The following ADSL variants were observed in gnomAD, a reference collection of about 807,000 sequenced individuals.
The protein encoded by ADSL is adenylosuccinate lyase, also known as adenylosuccinase.
Under a neutral mutation model 62.1 loss-of-function variants are expected in ADSL, and 44 were observed. The observed-to-expected ratio is 0.71, with a 90% CI of 0.56 to 0.91. The LOEUF (loss-of-function observed/expected upper bound fraction) is 0.91, where lower values mean the gene tolerates loss of function less well. ADSL is among the 40% of genes least tolerant of loss of function. The pLI is 0.00. For missense variants in ADSL, 531 were observed against 627.4 expected, an observed-to-expected ratio of 0.85 and a Z score of 1.64; for synonymous variants, 198 against 220.5, an observed-to-expected ratio of 0.90 and a Z score of 0.90.
intron 2 of ADSL, chr22:40,350,249 G>A (rs2044294671): frequency 1.2e-5 from 6 of 520,466 alleles, no homozygotes; most frequent in East Asian, 3.5e-5. Flanking sequence ...TCAGCCTCCC[G>A]AGTAGCTGGG....
rs773392845 is a variant in ADSL at position 40,362,046 on chromosome 22, CAGAT to C, written c.1010+414_1010+417del. Among the ~76,000 whole-genome samples the C allele has an allele frequency of 3.3e-4, 51 of 152,272 alleles. 2 individuals carry two copies. The highest frequency in any genetic ancestry group is 2.6e-4 in the Non-Finnish European group (18 of 68,018). Reference sequence around the variant, plus strand: ...CAGGAGGTGGGGCAGGACATGGTCACAGATAGCCAGTTTATGAAAGGTCTTCTGG... The same window carrying C: ...CAGGAGGTGGGGCAGGACATGGTCACAGCCAGTTTATGAAAGGTCTTCTGG... On this transcript the variant is annotated intron_variant, in intron 9 of 12. Transcript: ENST00000623063.
At chr22:40,356,399 G>C (rs554358673) in intron 4 of ADSL, among the ~76,000 whole-genome samples, 23 of 151,914 alleles carry the variant, frequency 1.5e-4, no homozygotes, top group Admixed American at 4.6e-4. Context: ...GCTGGGTGTG[G>C]TGGCAGATGC....
At chr22:40,352,377 A>T (rs2044381056) in intron 2 of ADSL, among the ~76,000 whole-genome samples, 1 of 151,866 alleles carries the variant, frequency 6.6e-6, no homozygotes, top group Non-Finnish European at 1.5e-5. Flanking sequence ...AAATACAAAA[A>T]ATTAGCTGGG....
chr22:40,382,429 T>C (rs1199551078), intron 2 of ADSL, among the ~76,000 whole-genome samples: 2 of 151,962 alleles, frequency 1.3e-5, no homozygotes, highest in African/African-American at 4.8e-5. Context: ...TGTCTTGGGG[T>C]TGATGGTGGC....
At position 40,366,977 on chromosome 22, in the gene ADSL, C is replaced by CT. The variant is rs1016719489; in HGVS notation, c.*457dup. 2.9e-5 allele frequency: 4 copies of CT among 136,614 alleles called. No individual in the cohort carries two copies. Among genetic ancestry groups the CT allele is most frequent in the Admixed American group, 1.7e-4 (2 of 11,808 alleles). 8.5% of individuals were successfully genotyped at this position (136,614 alleles called of 1,614,324 possible). A position where few individuals can be genotyped will look rare whatever the true frequency, so the allele number is the denominator to read the frequency against. On this transcript the variant is annotated 3_prime_UTR_variant, in exon 13 of 13. Transcript: ENST00000623063. ...ATGAAGTTTGGAACTACAGTAAATA[C>CT]TTAAAAAAAAAAAAAAAAAGAACCA...
rs796052244 is a variant in ADSL at position 40,360,475 on chromosome 22, G to T, written c.775G>T (p.Gly259Trp). Residue 259 changes from glycine (G) to tryptophan (W), a missense_variant, in exon 7 of 13, where the codon GGG (glycine) becomes TGG (tryptophan). Around this residue, in one of 2 missense-constraint regions of ADSL, gnomAD observed 471 missense variants for 592.9 expected, o/e 0.79. Coordinates refer to ENST00000623063, the MANE Select transcript of ADSL (RefSeq NM_000026.4). ...AGTACTGTCTGTGCTGGCTAGCTTGGGGGCATCAGTGCACAAGGTGAGTGG... is the reference window on the plus strand; with the variant it reads ...AGTACTGTCTGTGCTGGCTAGCTTGTGGGCATCAGTGCACAAGGTGAGTGG... ...IEVLSVLASL[G>W]ASVHKICTDI... 6.2e-7 allele frequency: 1 copy of T among 1,614,040 alleles called. No individual in the cohort carries two copies. The highest frequency in any genetic ancestry group is 8.5e-7 in the Non-Finnish European group (1 of 1,179,946).
downstream of ADSL, among the ~76,000 whole-genome samples, chr22:40,372,271 T>C (rs1402770151): frequency 1.3e-5 from 2 of 151,226 alleles, no homozygotes; most frequent in Non-Finnish European, 3.0e-5. Context: ...GGACTATAGG[T>C]GCCCGCCACC....
chr22:40,383,250 G>T (rs1339996904), intron 2 of ADSL, among the ~76,000 whole-genome samples: 2 of 151,896 alleles, frequency 1.3e-5, no homozygotes, highest in African/African-American at 4.8e-5. Context: ...GGCAGATCAC[G>T]AGGTCAGGAG....
At position 40,358,830 on chromosome 22, in the gene ADSL, C is replaced by G. The variant is rs200229468; in HGVS notation, c.483-34C>G. The G allele has an allele frequency of 6.3e-4, 1,010 of 1,611,726 alleles. 6 individuals are homozygous for G. Among genetic ancestry groups the G allele is most frequent in the Middle Eastern group, 3.1e-3 (19 of 6,058 alleles). On this transcript the variant is annotated intron_variant, in intron 4 of 12. Transcript: ENST00000623063. ...AACCTTGATGATTTAAGGTCTCGGT[C>G]TGAGACTTTCGTGTGTTCTCTTTGG...
rs757904153 is a variant in ADSL, at chr22:40,346,631, G to A, written c.73G>A (p.Glu25Lys). 1.2e-6 allele frequency: 2 copies of A among 1,611,914 alleles called. No homozygotes were observed. Among genetic ancestry groups the A allele is most frequent in the East Asian group, 4.5e-5 (2 of 44,818 alleles). ...SPLASRYASP[E>K]MCFVFSDRYK... ...TCTTGCCTCCCGCTATGCCAGCCCG[G>A]AGATGTGCTTCGTGTTTAGCGACAG... The change falls in exon 1 of 13, where the codon GAG (glutamate) becomes AAG (lysine). Residue 25 changes from glutamate to lysine, a missense_variant. Around this residue, in one of 2 missense-constraint regions of ADSL, gnomAD observed 60 missense variants for 34.5 expected, o/e 1.74. Coordinates refer to ENST00000623063, the MANE Select transcript of ADSL (RefSeq NM_000026.4).
intron 6 of ADSL, among the ~76,000 whole-genome samples, chr22:40,359,518 A>T (rs1327140590): frequency 2.9e-5 from 2 of 68,664 alleles, no homozygotes; most frequent in African/African-American, 1.4e-4. Flanking sequence ...TCTTGCTGAC[A>T]TATTTTCTGG....
chr22:40,364,315 G>T lies in ADSL; in HGVS notation c.1141G>T (p.Ala381Ser). 6.2e-7 allele frequency: 1 copy of T among 1,614,010 alleles called. No individual in the cohort carries two copies. The highest frequency in any genetic ancestry group is 1.1e-5 in the South Asian group (1 of 91,072). Reference sequence around the variant, plus strand: ...CATTCGGCAAGAGCTGCCTTTCATGGCCACAGAGAACATCATCATGGCCAT... The same window carrying T: ...CATTCGGCAAGAGCTGCCTTTCATGTCCACAGAGAACATCATCATGGCCAT... ...RRIRQELPFM[A>S]TENIIMAMVK... Residue 381 changes from alanine to serine, a missense_variant, in exon 11 of 13, where the codon GCC becomes TCC. Ala to Ser is a moderately conservative substitution (Grantham distance 99). Transcript: ENST00000623063.
Position 40,367,969 on chromosome 22 carries a change from G to C in ADSL, c.*1447G>C, listed in dbSNP as rs1601603757. The C allele has an allele frequency of 6.6e-6, 1 of 152,340 alleles. No homozygotes were observed. The highest frequency in any genetic ancestry group is 2.1e-4 in the South Asian group (1 of 4,828). 9.4% of individuals were successfully genotyped at this position (152,340 alleles called of 1,614,324 possible). A position where few individuals can be genotyped will look rare whatever the true frequency, so the allele number is the denominator to read the frequency against. ...TTGTCCAGTGCCCAAAAAGCCACCA[G>C]AGGCTTACTGCTCCGCACTCTTGGC... On this transcript the variant is annotated 3_prime_UTR_variant, in exon 13 of 13. Transcript: ENST00000623063.
intron 4 of ADSL, among the ~76,000 whole-genome samples, chr22:40,354,803 A>T (rs1348792504): frequency 6.6e-6 from 1 of 151,064 alleles, no homozygotes. Context: ...CGGGACGCGG[A>T]GGTTGCAGTG....
At chr22:40,383,652 A>G (rs1174162082) in intron 2 of ADSL, among the ~76,000 whole-genome samples, 1 of 152,160 alleles carries the variant, frequency 6.6e-6, no homozygotes, top group African/African-American at 2.4e-5. Flanking sequence ...GCATGTTGAG[A>G]CAGTAGTGAG....
intron 12 of ADSL, 107 bp downstream of exon 12, chr22:40,365,163 A>C (rs2044954227): frequency 8.2e-7 from 1 of 1,222,298 alleles, no homozygotes; most frequent in East Asian, 2.3e-5. Flanking sequence ...AGTTAGAAGA[A>C]AATCAGAGCA....
intron 4 of ADSL, among the ~76,000 whole-genome samples, chr22:40,357,247 C>CTTTTTTT (rs760770992): frequency 3.0e-4 from 31 of 102,762 alleles, no homozygotes; most frequent in South Asian, 6.5e-4. Context: ...TTGATTTGGG[C>CTTTTTTT]TTTTTTTTTT....
intron 4 of ADSL, among the ~76,000 whole-genome samples, chr22:40,357,955 T>C (rs2044628877): frequency 6.6e-6 from 1 of 152,202 alleles, no homozygotes; most frequent in Non-Finnish European, 1.5e-5. Flanking sequence ...GTATTTTTAG[T>C]AGAGACAGGG....
chr22:40,370,110 C>T (rs1386766545), downstream of ADSL, among the ~76,000 whole-genome samples: 3 of 152,052 alleles, frequency 2.0e-5, no homozygotes, highest in South Asian at 2.1e-4. Context: ...GAGGCTGAAG[C>T]GGGCAGATCA....
Sources: gnomAD v4.1 joint callset for allele counts (sites outside exome capture counted in the v4.1 genomes callset) on GRCh38, gnomAD v4.1.1 for gene constraint, gnomAD v4.1.1 regional missense constraint, MANE v1.5 for transcripts, NCBI Gene and HGNC (gene_info 2026-07-23, HGNC 2026-07-21) for gene names.